Variants in HDAC4 observed in about 807,000 individuals in gnomAD.
HDAC4 encodes the protein histone deacetylase A.
In HDAC4, 16 loss-of-function variants were observed where a neutral mutation model predicts 135.1. That is an observed-to-expected ratio of 0.12 (90% CI 0.08 to 0.18). The LOEUF (loss-of-function observed/expected upper bound fraction) is 0.18, where lower values mean the gene tolerates loss of function less well. Among genes scored for constraint, HDAC4 ranks in the 10% least tolerant of loss-of-function variants. The pLI, the probability that HDAC4 is intolerant of heterozygous loss-of-function variation, is 1.00. For synonymous variants in HDAC4, 685 were observed against 653.4 expected, an observed-to-expected ratio of 1.05 and a Z score of -0.74; for missense variants, 1,143 against 1,511.8, an observed-to-expected ratio of 0.76 and a Z score of 4.05.
intron 2 of HDAC4, chr2:239,351,767 C>T (rs916364878): frequency 1.9e-5 from 3 of 154,442 alleles, no homozygotes; most frequent in Non-Finnish European, 4.4e-5. Context: ...AGGAGCAGGA[C>T]CCAGAGCCAA....
chr2:239,317,202 A>G (rs917255835), intron 2 of HDAC4, among the ~76,000 whole-genome samples: 1 of 152,176 alleles, frequency 6.6e-6, no homozygotes, highest in Admixed American at 6.5e-5. Flanking sequence ...GGATTCTGAG[A>G]GCTCCACGTC....
Position 239,331,870 on chromosome 2 carries a change from G to C in HDAC4, c.22+20808C>G, listed in dbSNP as rs1691601222. On this transcript the variant is annotated intron_variant, in intron 2 of 26. Transcript: ENST00000543185. The surrounding 1 kb of genome is among the most constrained non-coding windows in gnomAD (Gnocchi z 4.5). The stretch of plus-strand genomic sequence containing the variant: ...CAGCACCGGACGGCTCGGACCCTGG[G>C]AAACGAACGCCAGACTGAGCGTGGG... 6.6e-6 allele frequency among the ~76,000 whole-genome samples: 1 copy of C among 152,136 alleles called. No homozygotes were observed. Among genetic ancestry groups the C allele is most frequent in the South Asian group, 2.1e-4 (1 of 4,824 alleles).
chr2:239,288,512 T>C (rs978810758), intron 2 of HDAC4, among the ~76,000 whole-genome samples: 1 of 152,180 alleles, frequency 6.6e-6, no homozygotes, highest in African/African-American at 2.4e-5. Context: ...TAAACTAGCA[T>C]CGTTACTTTA....
chr2:239,364,718 C>G (rs1178009730), intron 1 of HDAC4, among the ~76,000 whole-genome samples: 3 of 152,276 alleles, frequency 2.0e-5, no homozygotes, highest in African/African-American at 7.2e-5. Flanking sequence ...TCAAAGCCAT[C>G]TTGCACCAAG....
rs940131923 is a variant in HDAC4 at position 239,299,121 on chromosome 2, T to C, written c.22+53557A>G. ...ACCTCGTGATCCGCCTGCCTTGGCC[T>C]CCCAAAGTGCTGGGATTACAGGCAT... On this transcript the variant is annotated intron_variant, in intron 2 of 26. Transcript: ENST00000543185. The surrounding 1 kb of genome is among the most constrained non-coding windows in gnomAD (Gnocchi z 4.0). Among the ~76,000 whole-genome samples, 4 of 152,132 alleles carry C rather than the reference T, an allele frequency of 2.6e-5. No homozygotes were observed.
chr2:239,180,339 C>T (rs2044066385), intron 4 of HDAC4, among the ~76,000 whole-genome samples: 1 of 152,152 alleles, frequency 6.6e-6, no homozygotes, highest in African/African-American at 2.4e-5. Context: ...GGAATGGCCT[C>T]ACCAGGGCAT....
chr2:239,220,660 C>T (rs190043199), intron 3 of HDAC4, among the ~76,000 whole-genome samples: 19 of 152,256 alleles, frequency 1.2e-4, no homozygotes, highest in Admixed American at 3.9e-4. Flanking sequence ...CCCACGTATC[C>T]GGCTACCACA....
In HDAC4 at chr2:239,312,327, A is replaced by G. The variant is rs558383639; in HGVS notation, c.22+40351T>C. ...CTAGCACCTGACAGGGAAGATGAGA[A>G]GGACATTGGCTGCCGCCAAGAGGCC... On this transcript the variant is annotated intron_variant, in intron 2 of 26. Transcript: ENST00000543185. 5.3e-5 allele frequency among the ~76,000 whole-genome samples: 8 copies of G among 152,300 alleles called. 1 individual carries two copies. The highest frequency in any genetic ancestry group is 2.6e-4 in the Admixed American group (4 of 15,308).
At chr2:239,081,314 C>A in intron 21 of HDAC4, 122 bp from the exon 22 acceptor site, 2 of 788,014 alleles carry the variant, frequency 2.5e-6, no homozygotes, top group Non-Finnish European at 4.3e-6. Flanking sequence ...GGAGAGCCCA[C>A]GTGTCCTGAT....
chr2:239,059,258 A>G (rs1487553904), intron 24 of HDAC4, among the ~76,000 whole-genome samples: 2 of 152,260 alleles, frequency 1.3e-5, no homozygotes, highest in Non-Finnish European at 2.9e-5. Context: ...TAAATATCCA[A>G]TGTAAGAAGT....
intron 3 of HDAC4, among the ~76,000 whole-genome samples, chr2:239,233,013 A>G (rs1216880237): frequency 1.3e-5 from 2 of 152,278 alleles, no homozygotes; most frequent in Admixed American, 6.5e-5. Context: ...AAGGGGGAAG[A>G]GCAAAGCCAC....
chr2:239,151,315 C>T (rs146511426), intron 7 of HDAC4, among the ~76,000 whole-genome samples: 1 of 152,336 alleles, frequency 6.6e-6, no homozygotes, highest in African/African-American at 2.4e-5. Flanking sequence ...CCTGCGGACA[C>T]AACGGGAGGT....
rs2052063959 is a variant in HDAC4 at position 239,298,757 on chromosome 2, T to C, written c.22+53921A>G. The C allele has an allele frequency of 1.1e-5, 3 of 273,450 alleles. No homozygotes were observed. In the South Asian group the frequency reaches 4.2e-4, roughly 38 times the overall value. 16.9% of individuals were successfully genotyped at this position (273,450 alleles called of 1,614,324 possible). ...CATTTAATCAAACATTTTAGAATGATTTTCATTTAATTATCTCTCGGAGAC... is the reference window on the plus strand; with the variant it reads ...CATTTAATCAAACATTTTAGAATGACTTTCATTTAATTATCTCTCGGAGAC... On this transcript the variant is annotated intron_variant, in intron 2 of 26. Coordinates refer to ENST00000543185, the MANE Select transcript of HDAC4 (RefSeq NM_001378414.1).
chr2:239,059,692 G>T (rs748718873), intron 24 of HDAC4, among the ~76,000 whole-genome samples: 12 of 152,150 alleles, frequency 7.9e-5, no homozygotes, highest in Non-Finnish European at 1.5e-4. Context: ...TGCGGCCTAG[G>T]AGAGTTCTCC....
rs950152491 is a variant in HDAC4 at position 239,260,639 on chromosome 2, GTGTGGCC to G, written c.23-23982_23-23976del. Among the ~76,000 whole-genome samples the G allele has an allele frequency of 3.9e-5, 6 of 152,258 alleles. No homozygotes were observed. The South Asian group carries it at 6.2e-4, about 16-fold the overall frequency. On this transcript the variant is annotated intron_variant, in intron 2 of 26. Transcript: ENST00000543185. ...AGTACCGCTTCTCTGTGGCCCTGCT[GTGTGGCC>G]TGTGGCCTGTGGCCTCCGGCTCTGC...
chr2:239,094,588 A>T (rs2036824423), intron 17 of HDAC4: 1 of 1,132,848 alleles, frequency 8.8e-7, no homozygotes, highest in Non-Finnish European at 1.1e-6. Context: ...GCCCATGAGT[A>T]TCACGGTCAC....
chr2:239,387,165 C>T (rs1695872008), intron 1 of HDAC4, among the ~76,000 whole-genome samples: 1 of 152,246 alleles, frequency 6.6e-6, no homozygotes, highest in Non-Finnish European at 1.5e-5. Context: ...CTCACTAGGG[C>T]TGCAGTCCTA....
At chr2:239,099,592 T>G (rs3791396) in intron 16 of HDAC4, among the ~76,000 whole-genome samples, 198 of 152,228 alleles carry the variant, frequency 1.3e-3, no homozygotes, top group Non-Finnish European at 2.4e-3. Flanking sequence ...CCTCGATGCA[T>G]GGCCTTTGTC....
intron 2 of HDAC4, among the ~76,000 whole-genome samples, chr2:239,288,959 G>A (rs2051301060): frequency 6.6e-6 from 1 of 152,194 alleles, no homozygotes; most frequent in African/African-American, 2.4e-5. Context: ...AGCTTAGGAG[G>A]AGCTGGGACA....
Sources: allele counts gnomAD v4.1 joint callset (sites outside exome capture counted in the v4.1 genomes callset), GRCh38; gene constraint gnomAD v4.1.1; non-coding constraint Gnocchi (gnomAD v3.1); transcripts MANE v1.5; gene names NCBI Gene and HGNC (gene_info 2026-07-23, HGNC 2026-07-21).